KCNQ5: variants seen among roughly 807,000 people sequenced by gnomAD.
The protein encoded by KCNQ5 is potassium voltage-gated channel subfamily KQT member 5.
A neutral mutation model predicts 98.2 loss-of-function variants in KCNQ5; 30 were observed. That is an observed-to-expected ratio of 0.31 (90% CI 0.23 to 0.41). The LOEUF is 0.41. Ranked by LOEUF, KCNQ5 falls within the 10% of genes least tolerant of loss-of-function variation. The pLI is 1.00. For synonymous variants in KCNQ5, 458 were observed against 449.4 expected (o/e 1.02, Z -0.24); for missense variants, 835 against 1,182.5 (o/e 0.71, Z 4.31).
chr6:72,847,176 T>A (rs1357547327), intron 1 of KCNQ5, among the ~76,000 whole-genome samples: 2 of 152,204 alleles, frequency 1.3e-5, no homozygotes, highest in African/African-American at 4.8e-5. Flanking sequence ...GTTTTCTTTT[T>A]TTCTTTGAGA....
chr6:72,976,070 TAACAAAAAA>T (rs1768147553), intron 1 of KCNQ5, among the ~76,000 whole-genome samples: 1 of 152,188 alleles, frequency 6.6e-6, no homozygotes, highest in Non-Finnish European at 1.5e-5. Flanking sequence ...GACCCAAGGT[TAACAAAAAA>T]ATAGCTTTTT....
chr6:73,166,162 G>A (rs1777786615), intron 10 of KCNQ5, among the ~76,000 whole-genome samples: 1 of 152,036 alleles, frequency 6.6e-6, no homozygotes, highest in South Asian at 2.1e-4. Context: ...GCCGGGCGTG[G>A]TGGCTCACGC....
intron 3 of KCNQ5, among the ~76,000 whole-genome samples, chr6:73,045,977 C>A (rs1005429720): frequency 2.6e-5 from 4 of 151,730 alleles, no homozygotes; most frequent in African/African-American, 9.7e-5. Flanking sequence ...CACAAGAGGA[C>A]AAAAGAGGAA....
At chr6:72,994,435 GTC>G in intron 1 of KCNQ5, among the ~76,000 whole-genome samples, 1 of 117,666 alleles carries the variant, frequency 8.5e-6, no homozygotes, top group Non-Finnish European at 1.8e-5. Context: ...AGGTGCGTCC[GTC>G]ACCCCTTTCT....
chr6:72,972,252 C>A (rs1036601151), intron 1 of KCNQ5, among the ~76,000 whole-genome samples: 3 of 152,148 alleles, frequency 2.0e-5, no homozygotes, highest in African/African-American at 7.2e-5. Context: ...TGGAAATAGA[C>A]AGTCTTGTAA....
At chr6:73,083,833 A>C (rs370904414) in intron 5 of KCNQ5, among the ~76,000 whole-genome samples, 8 of 152,224 alleles carry the variant, frequency 5.3e-5, no homozygotes, top group Admixed American at 3.3e-4. Flanking sequence ...CATTGATTCA[A>C]CTGCTTTATG....
chr6:72,808,882 C>T (rs896635258), intron 1 of KCNQ5, among the ~76,000 whole-genome samples: 1 of 152,010 alleles, frequency 6.6e-6, no homozygotes, highest in Non-Finnish European at 1.5e-5. Context: ...CCAGCCATCC[C>T]ATTACTGGGT....
At chr6:73,041,803 T>A (rs944681778) in intron 2 of KCNQ5, 133 bp from the exon 3 acceptor site, 2 of 956,652 alleles carry the variant, frequency 2.1e-6, no homozygotes, top group Non-Finnish European at 3.2e-6. Context: ...AGAAAGGAAA[T>A]GTTCTTAACT....
chr6:72,977,145 A>T (rs997896520), intron 1 of KCNQ5, among the ~76,000 whole-genome samples: 1 of 152,204 alleles, frequency 6.6e-6, no homozygotes, highest in Non-Finnish European at 1.5e-5. Context: ...TTATTATGTT[A>T]AAACACAGAT....
chr6:72,868,013 C>A (rs3005769), intron 1 of KCNQ5, among the ~76,000 whole-genome samples: 40,822 of 151,772 alleles, frequency 0.27, 5,684 homozygotes, highest in Non-Finnish European at 0.29. Context: ...GGTGGAAAAG[C>A]AATTTAGACC....
At chr6:72,998,278 C>A (rs1013036144) in intron 1 of KCNQ5, among the ~76,000 whole-genome samples, 9 of 152,184 alleles carry the variant, frequency 5.9e-5, no homozygotes, top group Non-Finnish European at 1.0e-4. Context: ...GTCAAATGCA[C>A]TGAAGATCAT....
intron 5 of KCNQ5, among the ~76,000 whole-genome samples, chr6:73,093,139 T>C (rs1774325756): frequency 6.6e-6 from 1 of 152,176 alleles, no homozygotes; most frequent in Non-Finnish European, 1.5e-5. Context: ...CTAGGAGGGT[T>C]GTATTTTTCC....
chr6:72,942,014 C>T (rs1766335818), intron 1 of KCNQ5, among the ~76,000 whole-genome samples: 1 of 152,062 alleles, frequency 6.6e-6, no homozygotes, highest in Admixed American at 6.6e-5. Flanking sequence ...TTACCCAACC[C>T]ATAAGTGGGG....
rs1034579337 is a variant in KCNQ5, at chr6:73,018,495, GT to G, written c.489+14507del. Among the ~76,000 whole-genome samples the G allele has an allele frequency of 4.8e-3, 708 of 148,946 alleles. 7 individuals are homozygous for G. Among genetic ancestry groups the G allele is most frequent in the African/African-American group, 0.014 (588 of 40,760 alleles). On this transcript the variant is annotated intron_variant, in intron 2 of 13. Transcript: ENST00000370398. ...AACATTTCCTTAAGTCACTTCTGCA[GT>G]TTTTTTTTTAATCTTGAGCTGTTCA... is the stretch of plus-strand genomic sequence containing the variant.
At chr6:72,903,603 G>A (rs1052188351) in intron 1 of KCNQ5, among the ~76,000 whole-genome samples, 7 of 152,102 alleles carry the variant, frequency 4.6e-5, no homozygotes, top group Non-Finnish European at 1.0e-4. Context: ...GGTCACTCAG[G>A]ACCAGGTTAT....
At chr6:72,720,361 A>AT (rs921134841) in intron 1 of KCNQ5, among the ~76,000 whole-genome samples, 66 of 152,234 alleles carry the variant, frequency 4.3e-4, no homozygotes, top group Non-Finnish European at 8.4e-4. Context: ...GAATTAGTGC[A>AT]TTTTTTTAAG....
intron 1 of KCNQ5, among the ~76,000 whole-genome samples, chr6:72,670,780 T>C (rs1263783068): frequency 1.3e-5 from 2 of 152,104 alleles, no homozygotes; most frequent in East Asian, 1.9e-4. Flanking sequence ...ATGAATCTTA[T>C]AGGATCAGAG....
intron 1 of KCNQ5, among the ~76,000 whole-genome samples, chr6:72,660,882 C>G (rs1766485596): frequency 6.6e-6 from 1 of 152,070 alleles, no homozygotes; most frequent in African/African-American, 2.4e-5. Context: ...TGTGTTTTAT[C>G]AGACTAGTAA....
chr6:72,739,643 A>G (rs2154476103), intron 1 of KCNQ5, among the ~76,000 whole-genome samples: 1 of 152,328 alleles, frequency 6.6e-6, no homozygotes, highest in South Asian at 2.1e-4. Flanking sequence ...AAAGAAAATC[A>G]CAGTCACCTA....
Sources: gnomAD v4.1 joint callset for allele counts (sites outside exome capture counted in the v4.1 genomes callset) on GRCh38, gnomAD v4.1.1 for gene constraint, MANE v1.5 for transcripts, NCBI Gene and HGNC (gene_info 2026-07-23, HGNC 2026-07-21) for gene names.